The following SORBS2 variants were observed in gnomAD, a reference collection of about 807,000 sequenced individuals.
SORBS2 encodes sorbin and SH3 domain containing 2, also known as sorbin and SH3 domain-containing protein 2.
A neutral mutation model predicts 97.7 loss-of-function variants in SORBS2; 46 were observed. That is an observed-to-expected ratio of 0.47 (90% CI 0.37 to 0.60). The LOEUF is 0.60. Among genes scored for constraint, SORBS2 ranks in the 20% least tolerant of loss-of-function variants. The pLI, the probability that SORBS2 is intolerant of heterozygous loss-of-function variation, is 0.00. For missense variants in SORBS2, 1,316 were observed against 1,282.3 expected (o/e 1.03, Z -0.40); for synonymous variants, 476 against 473.4 (o/e 1.01, Z -0.07).
At chr4:185,654,217 G>C (rs1045654724) in intron 1 of SORBS2, among the ~76,000 whole-genome samples, 1 of 152,178 alleles carries the variant, frequency 6.6e-6, no homozygotes, top group African/African-American at 2.4e-5. Context: ...GACGGGACAT[G>C]GTGGAAGGGA....
intron 1 of SORBS2, among the ~76,000 whole-genome samples, chr4:185,655,409 C>CA (rs2097382059): frequency 6.6e-6 from 1 of 152,210 alleles, no homozygotes; most frequent in Non-Finnish European, 1.5e-5. Flanking sequence ...TGCTGTGGCT[C>CA]AGAGACAGCC....
At chr4:185,668,957 C>T (rs1582297848) in intron 4 of SORBS2, among the ~76,000 whole-genome samples, 1 of 152,226 alleles carries the variant, frequency 6.6e-6, no homozygotes, top group Non-Finnish European at 1.5e-5. Flanking sequence ...TGGTCTTCTG[C>T]AAAGGACAGG....
At chr4:185,591,860 G>C (rs2095947877) in intron 13 of SORBS2, 1 of 152,150 alleles carries the variant, frequency 6.6e-6, no homozygotes, top group Non-Finnish European at 1.5e-5. Context: ...TCTGATGAAA[G>C]CCAGCATGTT....
Position 185,623,256 on chromosome 4 carries a change from C to T in SORBS2, c.1873G>A (p.Ala625Thr), listed in dbSNP as rs765619085. Residue 625 changes from alanine to threonine, a missense_variant, in exon 7 of 15, where the codon GCA (alanine) becomes ACA (threonine). Coordinates refer to ENST00000418609, the Ensembl canonical transcript of SORBS2. This position sits in a 1 kb window ranked among gnomAD's most constrained non-coding sequence, Gnocchi z 6.4. ...TCAAACACAGATGCTTTACATTTTG[C>T]CTTTTCAGTCTGTTTCTTAGGAGCC... The T allele has an allele frequency of 4.3e-6, 7 of 1,614,104 alleles. No individual in the cohort carries two copies. Among genetic ancestry groups the T allele is most frequent in the Non-Finnish European group, 5.9e-6 (7 of 1,180,006 alleles).
At chr4:185,735,638 A>G (rs1297245018) in intron 2 of SORBS2, among the ~76,000 whole-genome samples, 1 of 151,836 alleles carries the variant, frequency 6.6e-6, no homozygotes, top group African/African-American at 2.4e-5. Flanking sequence ...TTTTATGTTA[A>G]TTTTTGTTAA....
chr4:185,662,358 CT>C, intron 4 of SORBS2, 116 bp from the exon 8 acceptor site: 1 of 1,060,226 alleles, frequency 9.4e-7, no homozygotes, highest in Non-Finnish European at 1.3e-6. Context: ...CTGCCAAGCT[CT>C]TATTTATTTT....
chr4:185,825,623 T>G (rs2099199346), intron 1 of SORBS2, among the ~76,000 whole-genome samples: 3 of 152,210 alleles, frequency 2.0e-5, no homozygotes, highest in African/African-American at 7.2e-5. Context: ...TTTTGATCAC[T>G]TTTGTTGCAG....
chr4:185,597,004 G>A (rs1373078296), intron 12 of SORBS2, among the ~76,000 whole-genome samples: 2 of 152,082 alleles, frequency 1.3e-5, no homozygotes, highest in African/African-American at 2.4e-5. Flanking sequence ...TCTTATAATG[G>A]CGAGTTTTAG....
At chr4:185,656,925 T>C (rs1003970779) in exon 1 of SORBS2, 1 of 1,205,348 alleles carries the variant, frequency 8.3e-7, no homozygotes, top group Non-Finnish European at 1.0e-6. Context: ...TTCCATGACA[T>C]TAACTCTCTT....
At chr4:185,948,831 TATTAA>T (rs1323116458) in intron 1 of SORBS2, among the ~76,000 whole-genome samples, 1 of 152,072 alleles carries the variant, frequency 6.6e-6, no homozygotes, top group African/African-American at 2.4e-5. Flanking sequence ...AATTTCAAAA[TATTAA>T]ATTGTTATTT....
chr4:185,779,661 T>A (rs182897032), intron 1 of SORBS2, among the ~76,000 whole-genome samples: 1 of 152,330 alleles, frequency 6.6e-6, no homozygotes, highest in East Asian at 1.9e-4. Flanking sequence ...AGTTTTCCCA[T>A]GAGTATTGTT....
intron 2 of SORBS2, among the ~76,000 whole-genome samples, chr4:185,711,883 C>T (rs1470120937): frequency 1.3e-5 from 2 of 152,164 alleles, no homozygotes; most frequent in African/African-American, 2.4e-5. Flanking sequence ...GACCGTGCTC[C>T]CCGCCACCTA....
At chr4:185,833,885 T>C (rs546707896) in intron 1 of SORBS2, among the ~76,000 whole-genome samples, 3 of 152,328 alleles carry the variant, frequency 2.0e-5, no homozygotes, top group East Asian at 3.9e-4. Context: ...TTTTGCGTCA[T>C]ATAAATAGTG....
At chr4:185,823,206 T>C (rs2099197858) in intron 1 of SORBS2, among the ~76,000 whole-genome samples, 1 of 152,204 alleles carries the variant, frequency 6.6e-6, no homozygotes, top group Non-Finnish European at 1.5e-5. Flanking sequence ...TGTACCGAAG[T>C]CCTCAAAATC....
chr4:185,725,321 C>G (rs1215805716), intron 2 of SORBS2, among the ~76,000 whole-genome samples: 3 of 152,194 alleles, frequency 2.0e-5, no homozygotes, highest in Admixed American at 2.0e-4. Context: ...GTTGGATATT[C>G]TAACTACCCA....
intron 1 of SORBS2, among the ~76,000 whole-genome samples, chr4:185,904,503 T>C (rs543425479): frequency 6.6e-6 from 1 of 152,310 alleles, no homozygotes; most frequent in South Asian, 2.1e-4. Flanking sequence ...CTGCCTGTGG[T>C]ACTTGGCCTG....
intron 2 of SORBS2, among the ~76,000 whole-genome samples, chr4:185,760,265 A>G (rs527311214): frequency 7.2e-5 from 11 of 152,334 alleles, no homozygotes; most frequent in African/African-American, 2.6e-4. Context: ...AAATTAACAA[A>G]ATGTGGCTGG....
chr4:185,663,596 G>A (rs185866933), intron 4 of SORBS2, among the ~76,000 whole-genome samples: 3 of 152,300 alleles, frequency 2.0e-5, no homozygotes. Flanking sequence ...GAGCTTTTAT[G>A]TACCTCTGAT....
At chr4:185,809,461 A>AAG (rs1164514381) in intron 1 of SORBS2, among the ~76,000 whole-genome samples, 26 of 144,662 alleles carry the variant, frequency 1.8e-4, no homozygotes, top group Admixed American at 1.5e-3. Flanking sequence ...TTTGCAAAAA[A>AAG]AAAAAAAAAA....
Sources: gnomAD v4.1 joint callset for allele counts (sites outside exome capture counted in the v4.1 genomes callset) on GRCh38, gnomAD v4.1.1 for gene constraint, Gnocchi (gnomAD v3.1) non-coding constraint, MANE v1.5 for transcripts, NCBI Gene and HGNC (gene_info 2026-07-23, HGNC 2026-07-21) for gene names.